The following NBPF12 variants were observed in gnomAD, a reference collection of about 807,000 sequenced individuals.
NBPF12 encodes the protein NBPF family member NBPF12.
In NBPF12, 115 loss-of-function variants were observed where a neutral mutation model predicts 146.4. The observed-to-expected ratio is 0.79, with a 90% confidence interval of 0.68 to 0.92. The LOEUF is 0.92. Ranked by LOEUF, NBPF12 falls within the 40% of genes least tolerant of loss-of-function variation. NBPF12 has a pLI of 0.00. For synonymous variants in NBPF12, 385 were observed against 508.9 expected, an observed-to-expected ratio of 0.76 and a Z score of 3.28; for missense variants, 1,205 against 1,326.8, an observed-to-expected ratio of 0.91 and a Z score of 1.43.
chr1:146,960,650 A>G (rs1340729781), intron 4 of NBPF12, among the ~76,000 whole-genome samples: 2 of 151,938 alleles, frequency 1.3e-5, no homozygotes, highest in Non-Finnish European at 2.9e-5. Flanking sequence ...CTGCAGACAA[A>G]TAACATCTAG....
intron 19 of NBPF12, among the ~76,000 whole-genome samples, chr1:146,981,479 C>T (rs1248009828): frequency 4.0e-5 from 6 of 151,038 alleles, no homozygotes; most frequent in Non-Finnish European, 8.8e-5. Context: ...CTCTGGCTGC[C>T]CTTAGCATTT....
upstream of NBPF12, chr1:146,938,599 G>C (rs1414454438): frequency 1.1e-4 from 17 of 152,156 alleles, no homozygotes; most frequent in African/African-American, 3.6e-4. Flanking sequence ...GAGGCAGCCG[G>C]GTCCCTTTAA....
At position 146,977,338 on chromosome 1, in the gene NBPF12, T is replaced by C; in HGVS notation, c.2193-128T>C. ...AACAGGATTGCATGTTCCCTCTTAA[T>C]GGGAACGTCCATTTTGCTTTCTGGG... On this transcript the variant is annotated intron_variant, in intron 17 of 33. Transcript: ENST00000617844. 2.8e-6 allele frequency: 3 copies of C among 1,055,776 alleles called. No homozygotes were observed. The South Asian group carries it at 4.1e-5, about 14-fold the overall frequency. 65.4% of individuals were successfully genotyped at this position (1,055,776 alleles called of 1,614,324 possible).
upstream of NBPF12, among the ~76,000 whole-genome samples, chr1:146,945,784 G>C (rs1223125268): frequency 1.3e-5 from 2 of 152,024 alleles, no homozygotes; most frequent in Non-Finnish European, 2.9e-5. Flanking sequence ...ATGAACCACT[G>C]TTGATACATC....
At chr1:146,956,041 G>A (rs1263168796) in intron 2 of NBPF12, among the ~76,000 whole-genome samples, 4 of 150,972 alleles carry the variant, frequency 2.6e-5, no homozygotes, top group Non-Finnish European at 4.4e-5. Flanking sequence ...TGAAACAGTT[G>A]TTAGGGAGGC....
intron 19 of NBPF12, among the ~76,000 whole-genome samples, chr1:146,982,327 T>G (rs1657449673): frequency 6.7e-6 from 1 of 148,310 alleles, no homozygotes; most frequent in African/African-American, 2.5e-5. Flanking sequence ...GCTTCAGGTC[T>G]GTTGGAGTTT....
intron 12 of NBPF12, 48 bp downstream of exon 15, chr1:146,970,767 A>T (rs1656551565): frequency 7.8e-7 from 1 of 1,277,746 alleles, no homozygotes. Flanking sequence ...ACATATGAAA[A>T]TGTCTAGGAG....
chr1:146,950,838 G>A (rs1198806921), intron 1 of NBPF12, among the ~76,000 whole-genome samples: 1 of 151,986 alleles, frequency 6.6e-6, no homozygotes, highest in Non-Finnish European at 1.5e-5. Context: ...AATGTTTCCA[G>A]TTTTTCCTAT....
upstream of NBPF12, among the ~76,000 whole-genome samples, chr1:146,948,508 TTCAGG>T (rs1655172786): frequency 6.6e-6 from 1 of 151,762 alleles, no homozygotes; most frequent in East Asian, 1.9e-4. Context: ...TTAAGGGCTG[TTCAGG>T]GTGTGCTTTG....
intron 8 of NBPF12, 143 bp downstream of exon 11, chr1:146,965,247 C>A: frequency 1.5e-6 from 1 of 686,912 alleles, no homozygotes; most frequent in South Asian, 1.7e-5. Context: ...CACATATAAT[C>A]ACAGCACTTT....
At position 146,966,552 on chromosome 1, in the gene NBPF12, A is replaced by G. The variant is rs1367157571; in HGVS notation, c.867A>G (p.Leu289=). 5.6e-6 allele frequency: 8 copies of G among 1,420,018 alleles called. No homozygotes were observed. In the East Asian group the frequency reaches 1.1e-4, roughly 20 times the overall value. The allele number at this position is 1,420,018 out of a possible 1,614,324, so 88.0% of individuals were successfully genotyped here. Residue 289 remains leucine, a synonymous_variant, in exon 9 of 34, where the codon CTA becomes CTG. Coordinates refer to ENST00000617844, the Ensembl canonical transcript of NBPF12. Reference sequence around the variant, plus strand: ...GCGAGAAGGCAGAGATGAACATTCTAGAAATCAATGAGAAGTTGCGCCCCC... The same window carrying G: ...GCGAGAAGGCAGAGATGAACATTCTGGAAATCAATGAGAAGTTGCGCCCCC...
chr1:146,972,150 T>C lies in NBPF12; in HGVS notation c.1592-601T>C, dbSNP rs1490789914. On this transcript the variant is annotated intron_variant, in intron 13 of 33. Transcript: ENST00000617844. ...CTGGCTCACATCTTAATCCCAGCAC[T>C]TTGGGAGGCGGAGGTAGGTGGAACA... Among the ~76,000 whole-genome samples, 61 of 149,760 alleles carry C rather than the reference T, an allele frequency of 4.1e-4. 4 individuals are homozygous for C. Among genetic ancestry groups the C allele is most frequent in the African/African-American group, 1.5e-3 (60 of 40,098 alleles).
At chr1:146,984,351 T>A (rs1278128964) in intron 21 of NBPF12, among the ~76,000 whole-genome samples, 166 bp downstream of exon 24, 7 of 150,614 alleles carry the variant, frequency 4.6e-5, no homozygotes, top group Non-Finnish European at 8.9e-5. Flanking sequence ...TGTTTAGGTT[T>A]CCATTTCTTC....
intron 21 of NBPF12, among the ~76,000 whole-genome samples, chr1:146,984,576 A>T (rs1553888359): frequency 4.9e-3 from 524 of 106,066 alleles, no homozygotes; most frequent in Middle Eastern, 8.5e-3. Flanking sequence ...CTGAGCTCAC[A>T]CTGTGTGTGT....
chr1:146,980,177 C>T (rs1319126106), intron 19 of NBPF12, among the ~76,000 whole-genome samples: 3 of 152,036 alleles, frequency 2.0e-5, no homozygotes, highest in Non-Finnish European at 2.9e-5. Flanking sequence ...GTAGAACTTC[C>T]TCCATCCCTT....
At chr1:146,960,230 A>C in exon 4 of NBPF12, 4 of 1,265,596 alleles carry the variant, frequency 3.2e-6, no homozygotes, top group Non-Finnish European at 4.5e-6. Flanking sequence ...CCCAGTTGGC[A>C]GAGAACAAAC....
chr1:146,957,792 G>C (rs1228524940), intron 2 of NBPF12: 1 of 130,460 alleles, frequency 7.7e-6, no homozygotes, highest in African/African-American at 2.7e-5. Flanking sequence ...GACTCTGCTA[G>C]CTGTGCAGTA....
exon 34 of NBPF12, chr1:146,995,978 G>A (rs1658517713): frequency 6.7e-6 from 1 of 149,636 alleles, no homozygotes; most frequent in Non-Finnish European, 1.5e-5. Flanking sequence ...TTTTTACTGT[G>A]CCTTTGTTTT....
chr1:146,987,691 CTCTT>C (rs1161290431), intron 25 of NBPF12, among the ~76,000 whole-genome samples: 2,563 of 141,132 alleles, frequency 0.018, 14 homozygotes, highest in Non-Finnish European at 0.022. Flanking sequence ...CTCTCTCTCT[CTCTT>C]TCTCTCTCAG....
Sources: allele counts gnomAD v4.1 joint callset (sites outside exome capture counted in the v4.1 genomes callset), GRCh38; gene constraint gnomAD v4.1.1; transcripts MANE v1.5; gene names NCBI Gene and HGNC (gene_info 2026-07-23, HGNC 2026-07-21).